The following RGS6 variants were observed in gnomAD, a reference collection of about 807,000 sequenced individuals.
The protein encoded by RGS6 is regulator of G-protein signaling 6.
RGS6 carries 30 observed loss-of-function variants against 78.5 expected under a neutral mutation model. The observed-to-expected ratio is 0.38, with a 90% CI of 0.29 to 0.52. RGS6 has a LOEUF of 0.52. Among genes scored for constraint, RGS6 ranks in the 20% least tolerant of loss-of-function variants. The pLI is 0.85. For missense variants in RGS6, 495 were observed against 609.7 expected, an observed-to-expected ratio of 0.81 and a Z score of 1.98; for synonymous variants, 206 against 206.0, an observed-to-expected ratio of 1.00 and a Z score of 0.00.
In RGS6 at chr14:72,033,142, A is replaced by G. The variant is rs565268508; in HGVS notation, c.84+68267A>G. 1.1e-4 allele frequency among the ~76,000 whole-genome samples: 17 copies of G among 152,308 alleles called. 1 individual carries two copies. The South Asian group carries it at 3.3e-3, about 30-fold the overall frequency. ...TGGTTGGGCAAAATCTTCCAATACA[A>G]AGTCAATTTTATAGCAAAGTGTTAA... On this transcript the variant is annotated intron_variant, in intron 2 of 17. Coordinates refer to ENST00000553525, the MANE Select transcript of RGS6 (RefSeq NM_001204424.2).
intron 12 of RGS6, 95 bp downstream of exon 12, chr14:72,478,424 A>G: frequency 1.1e-6 from 1 of 883,186 alleles, no homozygotes; most frequent in Non-Finnish European, 1.8e-6. Flanking sequence ...CAATGCCAAG[A>G]GTTAGACTGT....
At chr14:71,999,681 C>A (rs147899201) in intron 2 of RGS6, among the ~76,000 whole-genome samples, 221 of 152,260 alleles carry the variant, frequency 1.5e-3, no homozygotes, top group Middle Eastern at 0.01. Flanking sequence ...TTCTCATGAG[C>A]TCTGGTTGTT....
intron 3 of RGS6, among the ~76,000 whole-genome samples, chr14:72,387,265 G>C (rs1269274559): frequency 6.6e-6 from 1 of 152,036 alleles, no homozygotes; most frequent in Non-Finnish European, 1.5e-5. Context: ...AAAAGGGAGA[G>C]GGGGCTGGGC....
chr14:72,003,464 A>G (rs1433432097), intron 2 of RGS6, among the ~76,000 whole-genome samples: 1 of 152,188 alleles, frequency 6.6e-6, no homozygotes, highest in Admixed American at 6.5e-5. Flanking sequence ...CATCCCAAAC[A>G]GAAACTGTGT....
rs541541105 is a variant in RGS6 at position 72,255,542 on chromosome 14, C to A, written c.85-96553C>A. On this transcript the variant is annotated intron_variant, in intron 2 of 17. Coordinates refer to ENST00000553525, the MANE Select transcript of RGS6 (RefSeq NM_001204424.2). ...AGACTGAAGTCTCTGTTTAGGCAGACTCTGAATTTGTTTTCTCATTGGTTC... is the reference window on the plus strand; with the variant it reads ...AGACTGAAGTCTCTGTTTAGGCAGAATCTGAATTTGTTTTCTCATTGGTTC... 4.6e-5 allele frequency among the ~76,000 whole-genome samples: 7 copies of A among 152,296 alleles called. No individual in the cohort carries two copies. The South Asian group carries it at 1.2e-3, about 27-fold the overall frequency.
chr14:71,870,468 A>G, the RGS6 span, among the ~76,000 whole-genome samples: 1 of 152,134 alleles, frequency 6.6e-6, no homozygotes, highest in African/African-American at 2.4e-5. Flanking sequence ...GATACTATTT[A>G]AGGAGTTGTT....
chr14:72,115,495 C>T (rs934295756), intron 2 of RGS6, among the ~76,000 whole-genome samples: 4 of 152,102 alleles, frequency 2.6e-5, no homozygotes, highest in Non-Finnish European at 5.9e-5. Context: ...CAGGAGAAGC[C>T]GACTGCCCTT....
At chr14:71,872,555 A>G in the RGS6 span, among the ~76,000 whole-genome samples, 6 of 152,162 alleles carry the variant, frequency 3.9e-5, no homozygotes, top group Non-Finnish European at 8.8e-5. Context: ...AACTGCATAG[A>G]ACTCTAAGAA....
At chr14:72,346,330 G>T (rs944485674) in intron 2 of RGS6, among the ~76,000 whole-genome samples, 2 of 152,188 alleles carry the variant, frequency 1.3e-5, no homozygotes, top group African/African-American at 4.8e-5. Context: ...TGTCGTTTCT[G>T]TTAGGAGTGT....
chr14:71,869,338 G>A, the RGS6 span, among the ~76,000 whole-genome samples: 2 of 152,190 alleles, frequency 1.3e-5, no homozygotes, highest in Non-Finnish European at 2.9e-5. Flanking sequence ...TTGTCTGCCA[G>A]AAGAAAGTGA....
intron 2 of RGS6, among the ~76,000 whole-genome samples, chr14:72,345,724 G>T (rs575877291): frequency 6.6e-6 from 1 of 152,304 alleles, no homozygotes; most frequent in African/African-American, 2.4e-5. Flanking sequence ...TCTTCTACCT[G>T]TTTTCATAAC....
intron 2 of RGS6, among the ~76,000 whole-genome samples, chr14:72,071,366 G>A (rs1055587800): frequency 1.1e-4 from 17 of 152,074 alleles, no homozygotes; most frequent in African/African-American, 3.1e-4. Flanking sequence ...GAACACTCTC[G>A]TACATGTCTT....
chr14:71,889,897 CCT>C, the RGS6 span, among the ~76,000 whole-genome samples: 4 of 151,202 alleles, frequency 2.6e-5, no homozygotes, highest in Middle Eastern at 3.4e-3. Context: ...TGTAGCACCT[CCT>C]CTCTCTCTCT....
At chr14:72,213,756 C>G (rs1302562566) in intron 2 of RGS6, among the ~76,000 whole-genome samples, 3 of 152,164 alleles carry the variant, frequency 2.0e-5, no homozygotes, top group African/African-American at 7.2e-5. Flanking sequence ...GCCTGACCAT[C>G]TGGATGTTTA....
chr14:72,376,849 A>G (rs1411757104), intron 3 of RGS6, among the ~76,000 whole-genome samples: 3 of 152,180 alleles, frequency 2.0e-5, no homozygotes, highest in Non-Finnish European at 4.4e-5. Context: ...TTACATCTAG[A>G]AGCGAAAAGA....
chr14:72,280,037 A>C (rs2061324111), intron 2 of RGS6, among the ~76,000 whole-genome samples: 1 of 152,258 alleles, frequency 6.6e-6, no homozygotes, highest in East Asian at 1.9e-4. Context: ...ATGCACATAA[A>C]AATTATTAAC....
intron 2 of RGS6, among the ~76,000 whole-genome samples, chr14:72,037,758 A>G (rs1397259860): frequency 6.6e-6 from 1 of 152,198 alleles, no homozygotes; most frequent in African/African-American, 2.4e-5. Context: ...TGGAAATGGG[A>G]ATACACGTTA....
chr14:72,055,859 A>G (rs993310666), intron 2 of RGS6, among the ~76,000 whole-genome samples: 1 of 152,180 alleles, frequency 6.6e-6, no homozygotes, highest in Non-Finnish European at 1.5e-5. Context: ...GCAGCCTTTG[A>G]GAGTTTTTTG....
chr14:72,039,629 T>G (rs1311944385), intron 2 of RGS6, among the ~76,000 whole-genome samples: 1 of 152,168 alleles, frequency 6.6e-6, no homozygotes, highest in Non-Finnish European at 1.5e-5. Flanking sequence ...GAGGTCTTGT[T>G]TTTTAATTCC....
Sources: allele counts gnomAD v4.1 joint callset (sites outside exome capture counted in the v4.1 genomes callset), GRCh38; gene constraint gnomAD v4.1.1; transcripts MANE v1.5; gene names NCBI Gene and HGNC (gene_info 2026-07-23, HGNC 2026-07-21).